OSBPL8: variants seen among roughly 807,000 people sequenced by gnomAD.
The protein encoded by OSBPL8 is oxysterol-binding protein-related protein 8.
A neutral mutation model predicts 125.5 loss-of-function variants in OSBPL8; 59 were observed. That is an observed-to-expected ratio of 0.47 (90% CI 0.38 to 0.58). The LOEUF (loss-of-function observed/expected upper bound fraction) is 0.58. Ranked by LOEUF, OSBPL8 falls within the 20% of genes least tolerant of loss-of-function variation. OSBPL8 has a pLI of 0.00. For missense variants in OSBPL8, 758 were observed against 1,047.8 expected, an observed-to-expected ratio of 0.72 and a Z score of 3.82; for synonymous variants, 330 against 338.9, an observed-to-expected ratio of 0.97 and a Z score of 0.29.
chr12:76,418,010 CTTTTTTTTTTT>C (rs35319213), intron 4 of OSBPL8, among the ~76,000 whole-genome samples: 6 of 111,558 alleles, frequency 5.4e-5, no homozygotes, highest in African/African-American at 2.1e-4. Context: ...TTTTCACTAC[CTTTTTTTTTTT>C]TTTTTTTTTT....
At chr12:76,531,175 T>C (rs1184462401) in intron 1 of OSBPL8, among the ~76,000 whole-genome samples, 2 of 151,778 alleles carry the variant, frequency 1.3e-5, no homozygotes, top group Non-Finnish European at 2.9e-5. Context: ...CAGAGAAGAG[T>C]GAGCAAGAGC....
intron 2 of OSBPL8, among the ~76,000 whole-genome samples, chr12:76,479,997 T>C (rs1174620379): frequency 2.0e-5 from 3 of 151,592 alleles, no homozygotes; most frequent in Non-Finnish European, 2.9e-5. Context: ...AGAAACTCTG[T>C]CTCTACTAAA....
At chr12:76,356,419 G>GA (rs1021515835) in intron 23 of OSBPL8, among the ~76,000 whole-genome samples, 5 of 152,082 alleles carry the variant, frequency 3.3e-5, no homozygotes, top group South Asian at 2.1e-4. Flanking sequence ...CCCTTACAGA[G>GA]AAAAAACAAC....
intron 1 of OSBPL8, among the ~76,000 whole-genome samples, chr12:76,525,439 A>C (rs1950145617): frequency 6.6e-6 from 1 of 152,224 alleles, no homozygotes; most frequent in African/African-American, 2.4e-5. Context: ...TTCAAAACTA[A>C]ATGTGAGGTT....
chr12:76,458,583 C>T (rs1454972380), intron 3 of OSBPL8, among the ~76,000 whole-genome samples: 1 of 151,426 alleles, frequency 6.6e-6, no homozygotes, highest in African/African-American at 2.4e-5. Context: ...CCTAGCTACT[C>T]AGGTGGCAGG....
At chr12:76,386,389 A>G (rs1953315205) in intron 13 of OSBPL8, 123 bp from the exon 14 acceptor site, 1 of 1,365,486 alleles carries the variant, frequency 7.3e-7, no homozygotes, top group South Asian at 1.7e-5. Context: ...TTCAAAGTAA[A>G]TAAAATTTAC....
intron 1 of OSBPL8, among the ~76,000 whole-genome samples, chr12:76,500,052 A>G (rs1879742272): frequency 6.6e-6 from 1 of 152,114 alleles, no homozygotes; most frequent in Non-Finnish European, 1.5e-5. Context: ...CCTACATATT[A>G]TATCAGTTTT....
intron 4 of OSBPL8, among the ~76,000 whole-genome samples, chr12:76,442,691 T>A (rs1206678909): frequency 6.6e-6 from 1 of 152,134 alleles, no homozygotes; most frequent in Non-Finnish European, 1.5e-5. Context: ...AGAACACATT[T>A]GTTATATGTG....
chr12:76,509,374 CAGT>C (rs1190926094), intron 1 of OSBPL8, among the ~76,000 whole-genome samples: 2 of 152,116 alleles, frequency 1.3e-5, no homozygotes, highest in Admixed American at 6.5e-5. Flanking sequence ...ACTGTATCTA[CAGT>C]AGATTAAATC....
chr12:76,558,652 G>C (rs1951181981), intron 1 of OSBPL8, among the ~76,000 whole-genome samples: 1 of 152,192 alleles, frequency 6.6e-6, no homozygotes, highest in Non-Finnish European at 1.5e-5. Context: ...AATGAAATTA[G>C]GTTACGTTCT....
At chr12:76,490,923 C>T (rs1004640748) in intron 1 of OSBPL8, among the ~76,000 whole-genome samples, 6 of 152,244 alleles carry the variant, frequency 3.9e-5, no homozygotes, top group African/African-American at 1.4e-4. Context: ...CCTGCCAGTG[C>T]CCAAAAGCAC....
chr12:76,412,665 G>C lies in OSBPL8; in HGVS notation c.218-2031C>G, dbSNP rs546092145. Among the ~76,000 whole-genome samples the C allele has an allele frequency of 3.4e-3, 517 of 152,210 alleles. 3 individuals carry two copies. Among genetic ancestry groups the C allele is most frequent in the African/African-American group, 0.012 (499 of 41,532 alleles). On this transcript the variant is annotated intron_variant, in intron 4 of 23. Transcript: ENST00000261183. ...TGAGAACCCGAGTGTGACACACTATGCTATAGGTTTCATTTTTTTCTAATC... is the reference window on the plus strand; with the variant it reads ...TGAGAACCCGAGTGTGACACACTATCCTATAGGTTTCATTTTTTTCTAATC...
rs1344775344 is a variant in OSBPL8, at chr12:76,386,267, C to T, written c.1435-1G>A. The T allele has an allele frequency of 6.7e-7, 1 of 1,502,900 alleles. No homozygotes were observed. The highest frequency in any genetic ancestry group is 8.8e-7 in the Non-Finnish European group (1 of 1,135,406). The allele number at this position is 1,502,900 out of a possible 1,614,324, so 93.1% of individuals were successfully genotyped here. A position where few individuals can be genotyped will look rare whatever the true frequency, so the allele number is the denominator to read the frequency against. On this transcript the variant is annotated splice_acceptor_variant, in intron 13 of 23. Coordinates refer to ENST00000261183, the MANE Select transcript of OSBPL8 (RefSeq NM_020841.5). LOFTEE classifies it high-confidence loss of function. ...TAGGATTATAAGGTTTCTTCAGTCC[C>T]TGGTAAAAAAAAAAAAAAGCAATTT... is the stretch of plus-strand genomic sequence containing the variant.
intron 21 of OSBPL8, among the ~76,000 whole-genome samples, chr12:76,361,730 C>T (rs1370913282): frequency 1.3e-5 from 2 of 152,114 alleles, no homozygotes; most frequent in Middle Eastern, 3.2e-3. Context: ...GATGCAAAAG[C>T]GGAAACCCCT....
At position 76,425,571 on chromosome 12, in the gene OSBPL8, T is replaced by A. The variant is rs141839245; in HGVS notation, c.218-14937A>T. Among the ~76,000 whole-genome samples the A allele has an allele frequency of 8.2e-3, 1,249 of 152,304 alleles. 8 individuals are homozygous for A. The highest frequency in any genetic ancestry group is 0.012 in the Non-Finnish European group (788 of 68,006). ...AGGTGTCATTACCAAAAAGTCCCCC[T>A]GCCACTGCACCATCTTTTTTGACAC... is the stretch of plus-strand genomic sequence containing the variant. On this transcript the variant is annotated intron_variant, in intron 4 of 23. Coordinates refer to ENST00000261183, the MANE Select transcript of OSBPL8 (RefSeq NM_020841.5).
intron 2 of OSBPL8, among the ~76,000 whole-genome samples, chr12:76,483,660 CTTTTTT>C (rs869202382): frequency 8.7e-5 from 5 of 57,436 alleles, no homozygotes; most frequent in African/African-American, 1.6e-4. Context: ...CTGTAATAGT[CTTTTTT>C]TTTTTTTTTT....
At chr12:76,479,455 C>A (rs1877207413) in intron 2 of OSBPL8, among the ~76,000 whole-genome samples, 1 of 152,160 alleles carries the variant, frequency 6.6e-6, no homozygotes, top group African/African-American at 2.4e-5. Context: ...TTCTTTCCAG[C>A]CTCCACTTTT....
chr12:76,426,638 A>G (rs1429308432), intron 4 of OSBPL8, among the ~76,000 whole-genome samples: 1 of 152,176 alleles, frequency 6.6e-6, no homozygotes, highest in Non-Finnish European at 1.5e-5. Flanking sequence ...CTGGGTACGT[A>G]AGTATTGGTT....
chr12:76,491,499 T>G (rs1878710028), intron 1 of OSBPL8, among the ~76,000 whole-genome samples: 1 of 152,202 alleles, frequency 6.6e-6, no homozygotes, highest in Admixed American at 6.5e-5. Flanking sequence ...TTTGTAAGGT[T>G]GACATTTGGC....
Sources: allele counts gnomAD v4.1 joint callset (sites outside exome capture counted in the v4.1 genomes callset), GRCh38; gene constraint gnomAD v4.1.1; transcripts MANE v1.5; gene names NCBI Gene and HGNC (gene_info 2026-07-23, HGNC 2026-07-21).